Variants in ANKHD1 observed in about 807,000 individuals in gnomAD.
The protein encoded by ANKHD1 is ankyrin repeat and KH domain-containing protein 1.
A neutral mutation model predicts 230.5 loss-of-function variants in ANKHD1; 31 were observed. The observed-to-expected ratio is 0.13, with a 90% CI of 0.10 to 0.18. The LOEUF (loss-of-function observed/expected upper bound fraction) is 0.18, where lower values mean the gene tolerates loss of function less well. ANKHD1 is among the 10% of genes least tolerant of loss of function. The pLI, the probability that ANKHD1 is intolerant of heterozygous loss-of-function variation, is 1.00. For missense variants in ANKHD1, 2,256 were observed against 3,071.3 expected, an observed-to-expected ratio of 0.73 and a Z score of 6.27; for synonymous variants, 1,074 against 1,117.6, an observed-to-expected ratio of 0.96 and a Z score of 0.78.
rs1775407672 is a variant in ANKHD1, at chr5:140,458,734, T to C, written c.1352T>C (p.Val451Ala). The C allele has an allele frequency of 6.2e-7, 1 of 1,613,142 alleles. No individual in the cohort carries two copies. Among genetic ancestry groups the C allele is most frequent in the Non-Finnish European group, 8.5e-7 (1 of 1,179,790 alleles). The change falls in exon 8 of 34, where the codon GTT (valine) becomes GCT (alanine). Residue 451 changes from valine (V) to alanine (A), a missense_variant. Val to Ala is a moderately conservative substitution (Grantham distance 64, BLOSUM62 0). Around this residue, in one of 13 missense-constraint regions of ANKHD1, gnomAD observed 179 missense variants for 261.8 expected, o/e 0.68. Coordinates refer to ENST00000360839, the MANE Select transcript of ANKHD1 (RefSeq NM_017747.3). ...ACGCTAGCTGCCTGTGGAGGACATG[T>C]TGAATTGGCAGCTCTACTTATTGAA... is the stretch of plus-strand genomic sequence containing the variant. ...PLTLAACGGH[V>A]ELAALLIERG...
At chr5:140,461,427 T>C (rs1775695928) in intron 9 of ANKHD1, among the ~76,000 whole-genome samples, 1 of 152,208 alleles carries the variant, frequency 6.6e-6, no homozygotes, top group South Asian at 2.1e-4. Context: ...TTAAGGGTAA[T>C]TTATTTACAT....
At chr5:140,467,547 A>C (rs1221186305) in intron 10 of ANKHD1, among the ~76,000 whole-genome samples, 2 of 152,196 alleles carry the variant, frequency 1.3e-5, no homozygotes, top group Non-Finnish European at 2.9e-5. Context: ...GCCTGTGAAC[A>C]GCCATTGTAT....
intron 1 of ANKHD1, among the ~76,000 whole-genome samples, chr5:140,416,786 GTTC>G (rs976052632): frequency 5.3e-5 from 8 of 151,022 alleles, no homozygotes; most frequent in African/African-American, 1.7e-4. Context: ...TGCCTAACCT[GTTC>G]TTCTTTTTTA....
intron 11 of ANKHD1, among the ~76,000 whole-genome samples, chr5:140,483,321 C>G (rs1008002154): frequency 6.6e-6 from 1 of 151,914 alleles, no homozygotes; most frequent in Admixed American, 6.6e-5. Context: ...ATGAAACATC[C>G]TAGGATAGGA....
In ANKHD1 at chr5:140,412,619, A is replaced by T. The variant is rs544501817; in HGVS notation, c.306+10346A>T. ...ATTCATTTAAAAAGGATTAAGAAATAATTAAAACCATTGAAATAGAAAGGC... is the reference window on the plus strand; with the variant it reads ...ATTCATTTAAAAAGGATTAAGAAATTATTAAAACCATTGAAATAGAAAGGC... On this transcript the variant is annotated intron_variant, in intron 1 of 33. Transcript: ENST00000360839. Among the ~76,000 whole-genome samples, 70 of 152,356 alleles carry T rather than the reference A, an allele frequency of 4.6e-4. 1 individual carries two copies. The highest frequency in any genetic ancestry group is 6.8e-3 in the Middle Eastern group (2 of 294).
In ANKHD1 at chr5:140,411,924, A is replaced by G. The variant is rs907050789; in HGVS notation, c.306+9651A>G. On this transcript the variant is annotated intron_variant, in intron 1 of 33. Coordinates refer to ENST00000360839, the MANE Select transcript of ANKHD1 (RefSeq NM_017747.3). ...CAGTGGCTCACGATCGTATGGCGCA[A>G]TCACGGCTCAGGCAGCCTTGACCTT... is the stretch of plus-strand genomic sequence containing the variant. 8.6e-5 allele frequency among the ~76,000 whole-genome samples: 13 copies of G among 151,806 alleles called. No homozygotes were observed. The South Asian group carries it at 1.5e-3, about 17-fold the overall frequency.
At chr5:140,532,372 T>C (rs910939240) in intron 29 of ANKHD1, among the ~76,000 whole-genome samples, 3 of 152,130 alleles carry the variant, frequency 2.0e-5, no homozygotes, top group Non-Finnish European at 4.4e-5. Flanking sequence ...AGAAAGTAGA[T>C]TAGTGGTTAC....
In ANKHD1 at chr5:140,539,491, T is replaced by C. The variant is rs1754212160; in HGVS notation, c.*73T>C. ...TGGAAGAACCATGGGGATTTTTTTT[T>C]AATGTGCCTAAGAAATTTTCTCTGA... is the stretch of plus-strand genomic sequence containing the variant. On this transcript the variant is annotated 3_prime_UTR_variant, in exon 34 of 34. Coordinates refer to ENST00000360839, the MANE Select transcript of ANKHD1 (RefSeq NM_017747.3). 1 of 1,505,758 alleles carries C rather than the reference T, an allele frequency of 6.6e-7. No individual in the cohort carries two copies. The highest frequency in any genetic ancestry group is 1.4e-5 in the African/African-American group (1 of 71,194). 93.3% of individuals were successfully genotyped at this position (1,505,758 alleles called of 1,614,324 possible).
intron 1 of ANKHD1, among the ~76,000 whole-genome samples, chr5:140,408,950 CAG>C (rs1770703737): frequency 6.6e-6 from 1 of 152,136 alleles, no homozygotes; most frequent in East Asian, 1.9e-4. Flanking sequence ...CATTTTGGGA[CAG>C]AGAATTCTTT....
chr5:140,448,165 A>C (rs888518596), intron 6 of ANKHD1, among the ~76,000 whole-genome samples: 10 of 152,166 alleles, frequency 6.6e-5, no homozygotes, highest in Admixed American at 5.9e-4. Context: ...ATGCCACTGG[A>C]CTATAGCCTG....
intron 1 of ANKHD1, among the ~76,000 whole-genome samples, chr5:140,411,857 C>T (rs936417077): frequency 1.3e-5 from 2 of 148,768 alleles, no homozygotes; most frequent in Non-Finnish European, 3.0e-5. Flanking sequence ...GAGACAGGGT[C>T]CCGTTATGTC....
intron 1 of ANKHD1, among the ~76,000 whole-genome samples, chr5:140,428,744 G>T (rs1772767004): frequency 6.6e-6 from 1 of 151,986 alleles, no homozygotes; most frequent in Non-Finnish European, 1.5e-5. Context: ...TCTTTGTTTT[G>T]TTTTTTTAAA....
chr5:140,500,447 C>G (rs1355836323), intron 15 of ANKHD1, among the ~76,000 whole-genome samples: 1 of 151,666 alleles, frequency 6.6e-6, no homozygotes, highest in Non-Finnish European at 1.5e-5. Context: ...ATCAGGAGTT[C>G]AAGACCAGCC....
rs1238991170 is a variant in ANKHD1 at position 140,458,676 on chromosome 5, A to C, written c.1294A>C (p.Asn432His). 6.2e-7 allele frequency: 1 copy of C among 1,612,398 alleles called. No homozygotes were observed. Among genetic ancestry groups the C allele is most frequent in the Non-Finnish European group, 8.5e-7 (1 of 1,179,200 alleles). Reference sequence around the variant, plus strand: ...GCTTTTGGATAGTGGTGCTCAAGTGAACATGCCTGCAGATTCATTTGAATC... The same window carrying C: ...GCTTTTGGATAGTGGTGCTCAAGTGCACATGCCTGCAGATTCATTTGAATC... ...RLLLDSGAQV[N>H]MPADSFESPL... Residue 432 changes from asparagine to histidine, a missense_variant, in exon 8 of 34, where the codon AAC becomes CAC. By Grantham distance (68) the Asn-to-His change is moderately conservative (BLOSUM62 1). This residue lies in a region of ANKHD1 where 179 missense variants were observed against 261.8 expected (regional missense o/e 0.68). Coordinates refer to ENST00000360839, the MANE Select transcript of ANKHD1 (RefSeq NM_017747.3).
chr5:140,452,216 G>T lies in ANKHD1; in HGVS notation c.1242+2911G>T, dbSNP rs138170484. 2.9e-3 allele frequency among the ~76,000 whole-genome samples: 441 copies of T among 152,326 alleles called. 1 individual carries two copies. Among genetic ancestry groups the T allele is most frequent in the African/African-American group, 0.01 (426 of 41,570 alleles). On this transcript the variant is annotated intron_variant, in intron 7 of 33. Transcript: ENST00000360839. The stretch of plus-strand genomic sequence containing the variant: ...TGAGGCTTAAGTAGGTAAACAAAGC[G>T]GCTAGGAAGCTCAAACTGGGTGGAG...
chr5:140,490,167 G>A (rs563579815), intron 14 of ANKHD1, among the ~76,000 whole-genome samples: 1 of 152,154 alleles, frequency 6.6e-6, no homozygotes, highest in African/African-American at 2.4e-5. Context: ...ATTCTGTGTC[G>A]TGTATGTGAT....
chr5:140,441,495 A>C (rs1581250167), intron 5 of ANKHD1, among the ~76,000 whole-genome samples: 1 of 152,058 alleles, frequency 6.6e-6, no homozygotes, highest in East Asian at 1.9e-4. Context: ...GCATGATCTC[A>C]CTTTTTTTTT....
chr5:140,476,577 A>G (rs1750979466), intron 10 of ANKHD1, among the ~76,000 whole-genome samples: 1 of 152,300 alleles, frequency 6.6e-6, no homozygotes, highest in Non-Finnish European at 1.5e-5. Flanking sequence ...TAAAATAACA[A>G]TACAGAATTC....
At chr5:140,524,707 TAA>T (rs1753521239) in intron 25 of ANKHD1, among the ~76,000 whole-genome samples, 1 of 152,140 alleles carries the variant, frequency 6.6e-6, no homozygotes, top group Admixed American at 6.6e-5. Context: ...AGTAGGCAAA[TAA>T]TTTTGTTCTA....
Sources: gnomAD v4.1 joint callset for allele counts (sites outside exome capture counted in the v4.1 genomes callset) on GRCh38, gnomAD v4.1.1 for gene constraint, gnomAD v4.1.1 regional missense constraint, MANE v1.5 for transcripts, NCBI Gene and HGNC (gene_info 2026-07-23, HGNC 2026-07-21) for gene names.